Variants in KSR2 observed in about 807,000 individuals in gnomAD.
The protein encoded by KSR2 is kinase suppressor of ras 2.
KSR2 carries 25 observed loss-of-function variants against 107.8 expected under a neutral mutation model. The observed-to-expected ratio is 0.23, with a 90% CI of 0.17 to 0.32. The LOEUF (loss-of-function observed/expected upper bound fraction) is 0.32, where lower values mean the gene tolerates loss of function less well. KSR2 is among the 10% of genes least tolerant of loss of function. The pLI, the probability that KSR2 is intolerant of heterozygous loss-of-function variation, is 1.00. For synonymous variants in KSR2, 480 were observed against 507.0 expected (o/e 0.95, Z 0.71); for missense variants, 887 against 1,268.9 (o/e 0.70, Z 4.57).
intron 4 of KSR2, among the ~76,000 whole-genome samples, chr12:117,673,780 A>G (rs1196467027): frequency 6.6e-6 from 1 of 152,236 alleles, no homozygotes; most frequent in Admixed American, 6.5e-5. Flanking sequence ...GATGCAATTA[A>G]AAAGAACATT....
chr12:117,864,401 T>A lies in KSR2; in HGVS notation c.181-3970A>T, dbSNP rs548199215. On this transcript the variant is annotated intron_variant, in intron 1 of 19. Coordinates refer to ENST00000339824, the MANE Select transcript of KSR2 (RefSeq NM_173598.6). ...CCATACATATAGATATAAAAATAAA[T>A]GTTGATGTAAATGTGTGTATATGTA... Among the ~76,000 whole-genome samples the A allele has an allele frequency of 3.3e-5, 5 of 152,262 alleles. No individual in the cohort carries two copies. The East Asian group carries it at 9.6e-4, about 29-fold the overall frequency.
At chr12:117,731,431 G>A (rs901698344) in intron 4 of KSR2, among the ~76,000 whole-genome samples, 7 of 133,000 alleles carry the variant, frequency 5.3e-5, no homozygotes, top group East Asian at 2.2e-4. Flanking sequence ...GGCAGCCCCC[G>A]CCCAGCCACC....
intron 1 of KSR2, among the ~76,000 whole-genome samples, chr12:117,964,647 G>C (rs879933652): frequency 6.6e-6 from 1 of 152,138 alleles, no homozygotes; most frequent in South Asian, 2.1e-4. Flanking sequence ...AGCACCTGCA[G>C]CCACTCTGTT....
intron 13 of KSR2, among the ~76,000 whole-genome samples, chr12:117,526,103 G>C (rs1047237183): frequency 2.6e-5 from 4 of 152,176 alleles, no homozygotes; most frequent in Non-Finnish European, 5.9e-5. Context: ...CGACTGGGAG[G>C]CCCGAGAAAA....
At chr12:117,532,007 C>A (rs754328165) in intron 10 of KSR2, among the ~76,000 whole-genome samples, 1 of 152,204 alleles carries the variant, frequency 6.6e-6, no homozygotes, top group Non-Finnish European at 1.5e-5. Context: ...TACACACACA[C>A]ACACAGAAAA....
At chr12:117,641,901 G>A (rs1487799752) in intron 5 of KSR2, among the ~76,000 whole-genome samples, 2 of 152,082 alleles carry the variant, frequency 1.3e-5, no homozygotes, top group Admixed American at 6.5e-5. Flanking sequence ...CACCTCTCCA[G>A]TCCCACCTCT....
At chr12:117,753,054 G>A (rs1357194414) in intron 4 of KSR2, among the ~76,000 whole-genome samples, 1 of 152,190 alleles carries the variant, frequency 6.6e-6, no homozygotes, top group African/African-American at 2.4e-5. Context: ...TTCTAAGTAT[G>A]GCCACAAAGC....
chr12:117,469,921 T>C (rs1277649637), intron 18 of KSR2, 126 bp from the exon 19 acceptor site: 13 of 867,562 alleles, frequency 1.5e-5, no homozygotes, highest in East Asian at 5.4e-5. Context: ...CATCATCCAT[T>C]CATCCATCCA....
At chr12:117,541,344 G>A (rs1876475970) in intron 9 of KSR2, among the ~76,000 whole-genome samples, 1 of 152,110 alleles carries the variant, frequency 6.6e-6, no homozygotes, top group Non-Finnish European at 1.5e-5. Context: ...AGGGAGGCAG[G>A]CAGGGAGGAA....
intron 4 of KSR2, among the ~76,000 whole-genome samples, chr12:117,747,589 T>TTAATAAAA (rs57299123): frequency 1.5e-4 from 23 of 151,710 alleles, no homozygotes; most frequent in Middle Eastern, 3.4e-3. Flanking sequence ...ATCCCGGAAC[T>TTAATAAAA]TAAAATAAAA....
chr12:117,715,946 T>C (rs1404473319), intron 4 of KSR2, among the ~76,000 whole-genome samples: 2 of 152,194 alleles, frequency 1.3e-5, no homozygotes, highest in Non-Finnish European at 2.9e-5. Flanking sequence ...TTTGCACATG[T>C]CTTCTCTCTC....
At chr12:117,751,769 G>A (rs1370285429) in intron 4 of KSR2, among the ~76,000 whole-genome samples, 1 of 152,118 alleles carries the variant, frequency 6.6e-6, no homozygotes, top group African/African-American at 2.4e-5. Flanking sequence ...AAAAAGAATG[G>A]CCCCTGAGGA....
At chr12:117,490,601 G>T (rs1395591669) in intron 14 of KSR2, among the ~76,000 whole-genome samples, 2 of 152,118 alleles carry the variant, frequency 1.3e-5, no homozygotes, top group Non-Finnish European at 1.5e-5. Context: ...TCACTATGTT[G>T]TCCGGGCTGG....
intron 4 of KSR2, among the ~76,000 whole-genome samples, chr12:117,722,982 AG>A (rs754306664): frequency 2.6e-5 from 4 of 152,192 alleles, no homozygotes; most frequent in Admixed American, 6.5e-5. Flanking sequence ...CCTGAGGGCC[AG>A]TGGATGGCAG....
rs144578997 is a variant in KSR2, at chr12:117,531,998, A to G, written c.1688-291T>C. Among the ~76,000 whole-genome samples, 348 of 151,744 alleles carry G rather than the reference A, an allele frequency of 2.3e-3. 1 individual carries two copies. Among genetic ancestry groups the G allele is most frequent in the African/African-American group, 8.1e-3 (335 of 41,404 alleles). ...TACCATTTTTGTGAAATGCATAATT[A>G]CACACACACACACAGAAAAACTCTG... On this transcript the variant is annotated intron_variant, in intron 10 of 19. Coordinates refer to ENST00000339824, the MANE Select transcript of KSR2 (RefSeq NM_173598.6).
chr12:117,586,791 T>G (rs1880028186), intron 5 of KSR2, among the ~76,000 whole-genome samples: 1 of 152,110 alleles, frequency 6.6e-6, no homozygotes, highest in Non-Finnish European at 1.5e-5. Flanking sequence ...GTATCAGCCA[T>G]GATCATTAGT....
chr12:117,932,159 C>A (rs1018041914), intron 1 of KSR2, among the ~76,000 whole-genome samples: 1 of 151,922 alleles, frequency 6.6e-6, no homozygotes, highest in South Asian at 2.1e-4. Flanking sequence ...TGATGGTGGG[C>A]GCCTGTAATC....
intron 4 of KSR2, among the ~76,000 whole-genome samples, chr12:117,731,344 C>G (rs1809023): frequency 7.3e-6 from 1 of 137,028 alleles, no homozygotes; most frequent in African/African-American, 2.9e-5. Context: ...AGGAGCCCCC[C>G]CGCCCAGCAG....
intron 4 of KSR2, among the ~76,000 whole-genome samples, chr12:117,718,777 CT>C (rs1166808514): frequency 6.6e-6 from 1 of 152,200 alleles, no homozygotes; most frequent in African/African-American, 2.4e-5. Context: ...CGGCATAGGG[CT>C]TGAATACACA....
Sources: allele counts gnomAD v4.1 joint callset (sites outside exome capture counted in the v4.1 genomes callset), GRCh38; gene constraint gnomAD v4.1.1; transcripts MANE v1.5; gene names NCBI Gene and HGNC (gene_info 2026-07-23, HGNC 2026-07-21).